Variants in VIT observed in about 807,000 individuals in gnomAD.
VIT encodes the protein vitrin.
Under a neutral mutation model 78.0 loss-of-function variants are expected in VIT, and 99 were observed. That is an observed-to-expected ratio of 1.27 (90% CI 1.08 to 1.50). VIT has a LOEUF of 1.50. Among genes scored for constraint, VIT ranks in the 40% most tolerant of loss-of-function variants. The pLI is 0.00. For missense variants in VIT, 1,126 were observed against 875.3 expected (o/e 1.29, Z -3.61); for synonymous variants, 374 against 334.3 (o/e 1.12, Z -1.29).
chr2:36,737,014 C>T (rs931032141), intron 3 of VIT, among the ~76,000 whole-genome samples: 3 of 152,050 alleles, frequency 2.0e-5, no homozygotes, highest in Non-Finnish European at 4.4e-5. Context: ...CCAATTAGTG[C>T]TCATTAGGTA....
At chr2:36,707,972 G>A (rs1024295042) in intron 1 of VIT, among the ~76,000 whole-genome samples, 1 of 152,140 alleles carries the variant, frequency 6.6e-6, no homozygotes, top group African/African-American at 2.4e-5. Context: ...AGAATCCTGG[G>A]GGATTGTAGT....
At chr2:36,772,453 T>A (rs1374388568) in intron 7 of VIT, among the ~76,000 whole-genome samples, 2 of 152,192 alleles carry the variant, frequency 1.3e-5, no homozygotes, top group Non-Finnish European at 2.9e-5. Flanking sequence ...GGAGATCACT[T>A]GAACCTGGAA....
intron 13 of VIT, 127 bp downstream of exon 13, chr2:36,801,531 GGC>G: frequency 1.1e-6 from 1 of 869,704 alleles, no homozygotes; most frequent in Non-Finnish European, 1.8e-6. Flanking sequence ...CTTCTGGTCG[GGC>G]GTGGTGGTTC....
intron 1 of VIT, among the ~76,000 whole-genome samples, chr2:36,715,345 T>C (rs1028631569): frequency 1.2e-4 from 19 of 152,002 alleles, no homozygotes; most frequent in Non-Finnish European, 8.8e-5. Context: ...CAAGACCACA[T>C]GGCCAAGATG....
rs1286493506 is a variant in VIT at position 36,767,388 on chromosome 2, A to G, written c.679+103A>G. 1.3e-5 allele frequency: 16 copies of G among 1,219,472 alleles called. No homozygotes were observed. The Admixed American group carries it at 6.4e-4, about 49-fold the overall frequency. 75.5% of individuals were successfully genotyped at this position (1,219,472 alleles called of 1,614,324 possible). ...CATCTACTGGGCTGGGTGAATGGGG[A>G]GCACTGGAGAACTGGGCCGGGGGTA... On this transcript the variant is annotated intron_variant, in intron 7 of 15. Coordinates refer to ENST00000379242, the MANE Select transcript of VIT (RefSeq NM_053276.4).
At chr2:36,746,638 T>C (rs1318218268) in intron 4 of VIT, among the ~76,000 whole-genome samples, 2 of 152,184 alleles carry the variant, frequency 1.3e-5, no homozygotes, top group East Asian at 3.8e-4. Flanking sequence ...GTGGGATTGG[T>C]TGCAATGTCA....
chr2:36,752,238 G>T (rs1437157770), intron 4 of VIT, among the ~76,000 whole-genome samples: 1 of 152,220 alleles, frequency 6.6e-6, no homozygotes, highest in African/African-American at 2.4e-5. Context: ...GCATGGCCAA[G>T]TGCAGGGGAG....
chr2:36,738,769 G>C (rs1168009538), intron 3 of VIT, among the ~76,000 whole-genome samples: 1 of 152,204 alleles, frequency 6.6e-6, no homozygotes, highest in Non-Finnish European at 1.5e-5. Flanking sequence ...AGAAAGTAAA[G>C]ACTTTATTGG....
chr2:36,775,079 A>G lies in VIT; in HGVS notation c.802+12A>G. 1.9e-6 allele frequency: 3 copies of G among 1,613,474 alleles called. No individual in the cohort carries two copies. Among genetic ancestry groups the G allele is most frequent in the Middle Eastern group, 1.7e-4 (1 of 5,752 alleles). ...GGATGTCAGCCTGGGTAAGCTGCCC[A>G]CTGCTTACCATCTCTGCTCCCTAGG... is the stretch of plus-strand genomic sequence containing the variant. On this transcript the variant is annotated intron_variant, in intron 9 of 15. Transcript: ENST00000379242.
intron 2 of VIT, among the ~76,000 whole-genome samples, chr2:36,720,356 T>A (rs992183444): frequency 6.6e-6 from 1 of 152,220 alleles, no homozygotes; most frequent in Admixed American, 6.5e-5. Flanking sequence ...AGTTAACTGA[T>A]TTTTAACAAA....
chr2:36,743,966 C>A lies in VIT; in HGVS notation c.275+710C>A, dbSNP rs537510148. ...TTTTCAGGCTTCACCTCCCTCCTTC[C>A]CCCTTCTTGTATTCCCCAGTATCTG... On this transcript the variant is annotated intron_variant, in intron 4 of 15. Coordinates refer to ENST00000379242, the MANE Select transcript of VIT (RefSeq NM_053276.4). Among the ~76,000 whole-genome samples, 28 of 152,238 alleles carry A rather than the reference C, an allele frequency of 1.8e-4. No individual in the cohort carries two copies. In the South Asian group the frequency reaches 4.8e-3, roughly 26 times the overall value.
chr2:36,799,718 G>A (rs1437793435), intron 12 of VIT, among the ~76,000 whole-genome samples: 10 of 144,726 alleles, frequency 6.9e-5, no homozygotes, highest in Admixed American at 4.8e-4. Context: ...CCCTGTCTCT[G>A]AAAAAAAAAA....
intron 6 of VIT, among the ~76,000 whole-genome samples, chr2:36,760,330 A>T (rs1306793207): frequency 6.6e-6 from 1 of 152,104 alleles, no homozygotes; most frequent in Non-Finnish European, 1.5e-5. Context: ...ACGTATATAG[A>T]TCGCTGATTT....
rs549302763 is a variant in VIT, at chr2:36,713,047, T to TA, written c.-18-3299dup. 2.9e-3 allele frequency among the ~76,000 whole-genome samples: 435 copies of TA among 152,004 alleles called. 3 individuals carry two copies. Among genetic ancestry groups the TA allele is most frequent in the African/African-American group, 0.01 (417 of 41,442 alleles). ...GCTTGCATCATAGTGGGGAGCACCA[T>TA]AAAAAAATAAAATAAGCAAAGTATA... On this transcript the variant is annotated intron_variant, in intron 1 of 15. Coordinates refer to ENST00000379242, the MANE Select transcript of VIT (RefSeq NM_053276.4).
At chr2:36,701,982 TAAAC>T (rs1665089740) in intron 1 of VIT, among the ~76,000 whole-genome samples, 1 of 152,202 alleles carries the variant, frequency 6.6e-6, no homozygotes, top group Middle Eastern at 3.4e-3. Flanking sequence ...GGGCACATAA[TAAAC>T]AAATACAGTA....
chr2:36,702,607 A>T (rs946948280), intron 1 of VIT, among the ~76,000 whole-genome samples: 11 of 151,918 alleles, frequency 7.2e-5, no homozygotes, highest in African/African-American at 2.2e-4. Context: ...TTGCGCCTTT[A>T]CCTCTCTTCC....
intron 10 of VIT, among the ~76,000 whole-genome samples, chr2:36,782,359 A>G (rs758157950): frequency 1.3e-5 from 2 of 152,230 alleles, no homozygotes; most frequent in Non-Finnish European, 2.9e-5. Context: ...TTAGCCACCC[A>G]AAGTGAATGT....
intron 15 of VIT, among the ~76,000 whole-genome samples, chr2:36,813,508 G>A (rs1447901718): frequency 6.6e-6 from 1 of 152,110 alleles, no homozygotes; most frequent in African/African-American, 2.4e-5. Flanking sequence ...TGACTGCCCT[G>A]TAGCACCCAA....
chr2:36,729,608 A>G (rs888675849), intron 3 of VIT, 117 bp downstream of exon 3: 1 of 983,402 alleles, frequency 1.0e-6, no homozygotes, highest in African/African-American at 1.6e-5. Flanking sequence ...ATGTCAATTA[A>G]TTTCCACTCA....
Sources: allele counts gnomAD v4.1 joint callset (sites outside exome capture counted in the v4.1 genomes callset), GRCh38; gene constraint gnomAD v4.1.1; transcripts MANE v1.5; gene names NCBI Gene and HGNC (gene_info 2026-07-23, HGNC 2026-07-21).